PGS1: variants seen among roughly 807,000 people sequenced by gnomAD.
PGS1 encodes the protein phosphatidylglycerophosphate synthase 1.
PGS1 carries 44 observed loss-of-function variants against 58.3 expected under a neutral mutation model. The observed-to-expected ratio is 0.75, with a 90% confidence interval of 0.59 to 0.97. PGS1 has a LOEUF of 0.97. Ranked by LOEUF, PGS1 falls within the 50% of genes least tolerant of loss-of-function variation. The probability of loss-of-function intolerance (pLI) is 0.00; values close to 1 mark genes in which losing one functional copy is unlikely to be tolerated. For synonymous variants in PGS1, 330 were observed against 311.0 expected (o/e 1.06, Z -0.64); for missense variants, 684 against 731.1 (o/e 0.94, Z 0.74).
At chr17:78,412,949 G>A (rs2084847779) in intron 7 of PGS1, among the ~76,000 whole-genome samples, 1 of 152,210 alleles carries the variant, frequency 6.6e-6, no homozygotes, top group Non-Finnish European at 1.5e-5. Context: ...TGGGGAAGAG[G>A]GGGTGGGAGG....
At position 78,416,190 on chromosome 17, in the gene PGS1, G is replaced by A. The variant is rs200878230; in HGVS notation, c.1551+1163G>A. Among the ~76,000 whole-genome samples the A allele has an allele frequency of 4.2e-4, 64 of 152,324 alleles. 1 individual carries two copies. In the East Asian group the frequency reaches 7.5e-3, roughly 18 times the overall value. Reference sequence around the variant, plus strand: ...GTCATCCTCTGGGTGGGCCAGTGGGGTAATGGGTTTGCTCAGGTTTCTTCC... The same window carrying A: ...GTCATCCTCTGGGTGGGCCAGTGGGATAATGGGTTTGCTCAGGTTTCTTCC... On this transcript the variant is annotated intron_variant, in intron 8 of 9. Transcript: ENST00000262764.
intron 7 of PGS1, among the ~76,000 whole-genome samples, chr17:78,408,753 T>C (rs1345350448): frequency 6.6e-6 from 1 of 152,186 alleles, no homozygotes; most frequent in Non-Finnish European, 1.5e-5. Context: ...CTGGGTTGGA[T>C]CTCAGGCAGG....
chr17:78,408,015 G>A (rs2084301809), intron 7 of PGS1, among the ~76,000 whole-genome samples: 1 of 152,234 alleles, frequency 6.6e-6, no homozygotes, highest in African/African-American at 2.4e-5. Flanking sequence ...TTGTTGGAAA[G>A]ATTCTTGTGT....
chr17:78,382,007 T>C (rs2082069404), intron 1 of PGS1, among the ~76,000 whole-genome samples: 1 of 151,858 alleles, frequency 6.6e-6, no homozygotes. Flanking sequence ...TTACAAGAAG[T>C]AGGTAGAAGG....
intron 1 of PGS1, among the ~76,000 whole-genome samples, chr17:78,381,436 C>T (rs2082029997): frequency 6.6e-6 from 1 of 152,084 alleles, no homozygotes; most frequent in African/African-American, 2.4e-5. Flanking sequence ...GGTTTCTGAG[C>T]CTTTCTTTGC....
rs140799076 is a variant in PGS1 at position 78,406,671 on chromosome 17, T to C, written c.1402+2582T>C. Among the ~76,000 whole-genome samples the C allele has an allele frequency of 2.8e-3, 431 of 152,320 alleles. 2 individuals carry two copies. The highest frequency in any genetic ancestry group is 9.7e-3 in the African/African-American group (402 of 41,554). On this transcript the variant is annotated intron_variant, in intron 7 of 9. Coordinates refer to ENST00000262764, the MANE Select transcript of PGS1 (RefSeq NM_024419.5). ...CCCGTGGCGGGTGTGGAAAGTATTT[T>C]TGGATTGGCGTTACTTCTGGGAATA... is the stretch of plus-strand genomic sequence containing the variant.
intron 9 of PGS1, chr17:78,423,763 T>C (rs755041875): frequency 1.2e-5 from 13 of 1,096,566 alleles, no homozygotes; most frequent in Non-Finnish European, 1.7e-5. Context: ...CTGGTTCCGA[T>C]GTGCTTGGTT....
At chr17:78,378,840 C>T (rs893951590) in intron 1 of PGS1, 32 bp downstream of exon 1, 142 of 1,374,506 alleles carry the variant, frequency 1.0e-4, no homozygotes, top group Non-Finnish European at 1.3e-4. Context: ...AGAGTGCAGC[C>T]CTCGCGGCTG....
intron 8 of PGS1, among the ~76,000 whole-genome samples, chr17:78,415,525 G>A (rs1262882463): frequency 5.9e-5 from 9 of 152,192 alleles, no homozygotes; most frequent in Admixed American, 5.2e-4. Context: ...CCAGCTACTC[G>A]GGAGGCTGAG....
Position 78,404,075 on chromosome 17 carries a change from C to T in PGS1, c.1388C>T (p.Thr463Met), listed in dbSNP as rs1300553360. The change falls in exon 7 of 10, where the codon ACG becomes ATG. Residue 463 changes from threonine (T) to methionine (M), a missense_variant. Physicochemically the swap from Thr to Met is moderately conservative, Grantham distance 81. Transcript: ENST00000262764. ...CAGGAGTACTGGCGGAGGGGCTGGA[C>T]GTTCCACGCCAAAGGTGCGCAGCGG... ...QLQEYWRRGW[T>M]FHAKGLWLYL... The T allele has an allele frequency of 6.4e-6, 10 of 1,574,572 alleles. No homozygotes were observed. The highest frequency in any genetic ancestry group is 1.7e-4 in the Middle Eastern group (1 of 5,936).
chr17:78,423,559 A>G (rs925944680), intron 9 of PGS1: 1 of 296,546 alleles, frequency 3.4e-6, no homozygotes, highest in Non-Finnish European at 6.6e-6. Flanking sequence ...AGCAAACTCC[A>G]CTGACCCCCC....
At chr17:78,398,127 C>G (rs778557475) in intron 3 of PGS1, 125 bp from the exon 4 acceptor site, 1 of 780,660 alleles carries the variant, frequency 1.3e-6, no homozygotes, top group Admixed American at 1.7e-5. Context: ...TGTCCGAGTG[C>G]TGATGGCACA....
chr17:78,400,606 C>T lies in PGS1; in HGVS notation c.702-71C>T. 7.2e-7 allele frequency: 1 copy of T among 1,383,202 alleles called. No individual in the cohort carries two copies. Among genetic ancestry groups the T allele is most frequent in the Non-Finnish European group, 1.0e-6 (1 of 980,014 alleles). 85.7% of individuals were successfully genotyped at this position (1,383,202 alleles called of 1,614,324 possible). A position where few individuals can be genotyped will look rare whatever the true frequency, so the allele number is the denominator to read the frequency against. ...ACCCCCCTGCTAGTTCACCTGAGAC[C>T]TGGGTCACCAGGACACGCTGCTGCA... is the stretch of plus-strand genomic sequence containing the variant. On this transcript the variant is annotated intron_variant, in intron 5 of 9. Coordinates refer to ENST00000262764, the MANE Select transcript of PGS1 (RefSeq NM_024419.5). This position sits in a 1 kb window ranked among gnomAD's most constrained non-coding sequence, Gnocchi z 4.4.
At chr17:78,415,911 G>A (rs549154043) in intron 8 of PGS1, among the ~76,000 whole-genome samples, 1 of 152,264 alleles carries the variant, frequency 6.6e-6, no homozygotes, top group Non-Finnish European at 1.5e-5. Context: ...TCCTGGAGAT[G>A]CAGATAACAC....
At chr17:78,387,530 C>T (rs1193230332) in intron 1 of PGS1, among the ~76,000 whole-genome samples, 3 of 151,158 alleles carry the variant, frequency 2.0e-5, no homozygotes, top group Non-Finnish European at 2.9e-5. Flanking sequence ...AACTCCTGAC[C>T]TCAGGTGATA....
chr17:78,386,634 G>C (rs188299000), intron 1 of PGS1, among the ~76,000 whole-genome samples: 4 of 152,296 alleles, frequency 2.6e-5, no homozygotes, highest in Non-Finnish European at 4.4e-5. Context: ...GCCTCCTCAC[G>C]TCTCTTGGGG....
intron 1 of PGS1, among the ~76,000 whole-genome samples, chr17:78,385,450 G>A (rs907664091): frequency 3.3e-5 from 5 of 152,298 alleles, no homozygotes; most frequent in Middle Eastern, 6.8e-3. Context: ...CACCAGGCCC[G>A]GCTAATTTTT....
chr17:78,404,598 G>T (rs1567978669), intron 7 of PGS1, among the ~76,000 whole-genome samples: 1 of 152,050 alleles, frequency 6.6e-6, no homozygotes. Flanking sequence ...ACTGTATATG[G>T]TCACATTATT....
intron 7 of PGS1, among the ~76,000 whole-genome samples, chr17:78,404,882 ACTC>A (rs554632454): frequency 7.5e-4 from 113 of 151,254 alleles, no homozygotes; most frequent in Admixed American, 1.8e-3. Context: ...CTGGCCTTGA[ACTC>A]CTGACTTGAG....
Sources: gnomAD v4.1 joint callset for allele counts (sites outside exome capture counted in the v4.1 genomes callset) on GRCh38, gnomAD v4.1.1 for gene constraint, Gnocchi (gnomAD v3.1) non-coding constraint, MANE v1.5 for transcripts, NCBI Gene and HGNC (gene_info 2026-07-23, HGNC 2026-07-21) for gene names.